Variants in TP53BP2 observed in about 807,000 individuals in gnomAD.
TP53BP2 encodes tumor protein p53 binding protein 2.
Under a neutral mutation model 126.2 loss-of-function variants are expected in TP53BP2, and 62 were observed. The ratio of observed to expected loss-of-function variants is 0.49; its 90% CI spans 0.40 to 0.61. The LOEUF (loss-of-function observed/expected upper bound fraction) is 0.61, where lower values mean the gene tolerates loss of function less well. TP53BP2 is among the 20% of genes least tolerant of loss of function. The pLI is 0.00. For missense variants in TP53BP2, 1,215 were observed against 1,402.8 expected, an observed-to-expected ratio of 0.87 and a Z score of 2.14; for synonymous variants, 485 against 502.9, an observed-to-expected ratio of 0.96 and a Z score of 0.48.
intron 16 of TP53BP2, 138 bp downstream of exon 16, chr1:223,788,870 G>C: frequency 1.3e-6 from 1 of 786,040 alleles, no homozygotes; most frequent in Non-Finnish European, 2.0e-6. Flanking sequence ...CTGTGACCAA[G>C]GCTGTTGTAT....
chr1:223,829,734 CAAA>C (rs541890457), intron 1 of TP53BP2, among the ~76,000 whole-genome samples: 1 of 101,496 alleles, frequency 9.9e-6, no homozygotes. Context: ...ATAATCAGGT[CAAA>C]AAAAAAAAAA....
intron 15 of TP53BP2, among the ~76,000 whole-genome samples, chr1:223,791,938 A>C (rs1662169390): frequency 6.6e-6 from 1 of 152,124 alleles, no homozygotes; most frequent in Non-Finnish European, 1.5e-5. Context: ...TTTTACGTAC[A>C]CCCTGGTTCC....
intron 10 of TP53BP2, among the ~76,000 whole-genome samples, chr1:223,800,309 G>A (rs541309163): frequency 3.3e-4 from 51 of 152,276 alleles, no homozygotes; most frequent in South Asian, 1.0e-3. Context: ...TTTATCAGGC[G>A]GGTGCAGTGG....
At chr1:223,810,668 T>TCATA (rs1662880967) in intron 3 of TP53BP2, among the ~76,000 whole-genome samples, 155 bp from the exon 4 acceptor site, 1 of 152,236 alleles carries the variant, frequency 6.6e-6, no homozygotes, top group South Asian at 2.1e-4. Context: ...ACTTAAGGTC[T>TCATA]CATAACTCAG....
intron 16 of TP53BP2, among the ~76,000 whole-genome samples, 156 bp from the exon 17 acceptor site, chr1:223,784,470 G>A (rs1661882378): frequency 6.6e-6 from 1 of 152,134 alleles, no homozygotes; most frequent in Non-Finnish European, 1.5e-5. Context: ...GAGGTGGGGG[G>A]TAGCATGCAG....
At chr1:223,820,120 C>G (rs900676601) in intron 2 of TP53BP2, among the ~76,000 whole-genome samples, 1 of 152,134 alleles carries the variant, frequency 6.6e-6, no homozygotes, top group Non-Finnish European at 1.5e-5. Flanking sequence ...CCAGAAGGAA[C>G]CAGCAATGAC....
chr1:223,836,719 A>G (rs1663935819), intron 1 of TP53BP2, among the ~76,000 whole-genome samples: 2 of 152,090 alleles, frequency 1.3e-5, no homozygotes, highest in African/African-American at 2.4e-5. Context: ...AGAGCATTAC[A>G]ACAGTCCAGG....
chr1:223,817,017 G>A (rs997190095), intron 2 of TP53BP2, among the ~76,000 whole-genome samples: 3 of 150,884 alleles, frequency 2.0e-5, no homozygotes, highest in Non-Finnish European at 4.4e-5. Context: ...AAAATTAGCT[G>A]GGTGTGGTGG....
chr1:223,825,832 C>A (rs1436126826), intron 1 of TP53BP2: 2 of 152,354 alleles, frequency 1.3e-5, no homozygotes, highest in East Asian at 3.9e-4. Flanking sequence ...AACCTGGCTC[C>A]TTCCCTCTCA....
intron 1 of TP53BP2, among the ~76,000 whole-genome samples, chr1:223,827,331 A>T (rs1663534789): frequency 6.6e-6 from 1 of 152,206 alleles, no homozygotes; most frequent in African/African-American, 2.4e-5. Context: ...AAAAGGAAGA[A>T]GTCCAGAAGA....
At position 223,780,622 on chromosome 1, in the gene TP53BP2, CT is replaced by C. The variant is rs1191171597; in HGVS notation, c.*230del. ...CTTATCTGAGTGCTACACGGGACAC[CT>C]TTGCCCCAACACAGTATGGCCTGCT... is the stretch of plus-strand genomic sequence containing the variant. On this transcript the variant is annotated 3_prime_UTR_variant, in exon 18 of 18. Coordinates refer to ENST00000343537, the MANE Select transcript of TP53BP2 (RefSeq NM_001031685.3). 9.3e-6 allele frequency: 5 copies of C among 536,054 alleles called. No homozygotes were observed. The Admixed American group carries it at 9.8e-5, about 11-fold the overall frequency. The allele number at this position is 536,054 out of a possible 1,614,324, so 33.2% of individuals were successfully genotyped here.
intron 3 of TP53BP2, among the ~76,000 whole-genome samples, chr1:223,812,478 G>C (rs1207305803): frequency 2.0e-5 from 3 of 152,208 alleles, no homozygotes; most frequent in Non-Finnish European, 4.4e-5. Context: ...CGCCTCCCGG[G>C]TTCAAGCGAT....
At chr1:223,799,297 C>T (rs923477671) in intron 11 of TP53BP2, among the ~76,000 whole-genome samples, 1 of 152,244 alleles carries the variant, frequency 6.6e-6, no homozygotes, top group East Asian at 1.9e-4. Flanking sequence ...TCTGTATTTA[C>T]TCACATTTAA....
intron 4 of TP53BP2, among the ~76,000 whole-genome samples, chr1:223,807,605 T>C (rs970059985): frequency 6.6e-6 from 1 of 150,766 alleles, no homozygotes; most frequent in African/African-American, 2.4e-5. Flanking sequence ...ATAGCAAGAC[T>C]GCAGGATTAA....
Position 223,832,306 on chromosome 1 carries a change from C to G in TP53BP2, c.28-10939G>C, listed in dbSNP as rs1036099395. ...TGAACAATCTATAAAAAGAGTGACA[C>G]AAATCCTCCCCAAATTTTGCAACTC... On this transcript the variant is annotated intron_variant, in intron 1 of 17. Transcript: ENST00000343537. 1.8e-4 allele frequency among the ~76,000 whole-genome samples: 27 copies of G among 152,170 alleles called. 1 individual carries two copies. Among genetic ancestry groups the G allele is most frequent in the Admixed American group, 1.7e-3 (26 of 15,274 alleles).
At chr1:223,813,125 C>T (rs1370049461) in intron 3 of TP53BP2, among the ~76,000 whole-genome samples, 1 of 152,186 alleles carries the variant, frequency 6.6e-6, no homozygotes, top group Non-Finnish European at 1.5e-5. Context: ...TCTCTCCACC[C>T]TCCCCCTACA....
intron 16 of TP53BP2, among the ~76,000 whole-genome samples, chr1:223,784,768 A>C (rs1303592830): frequency 6.6e-6 from 1 of 152,246 alleles, no homozygotes; most frequent in African/African-American, 2.4e-5. Flanking sequence ...ACAGAGAAAA[A>C]AAGATGGAGG....
rs777384920 is a variant in TP53BP2 at position 223,800,722 on chromosome 1, G to A, written c.1314C>T (p.Ser438=). 2.5e-6 allele frequency: 4 copies of A among 1,605,198 alleles called. No individual in the cohort carries two copies. In the South Asian group the frequency reaches 3.4e-5, roughly 14 times the overall value. Residue 438 remains serine, a synonymous_variant, in exon 10 of 18, where the codon AGC becomes AGT. Transcript: ENST00000343537. ...CACCTTGATCCAGAGCATTCCCAGT[G>A]CTTTGAGGTACAGAAGCAGAGCCTT... The part of the protein sequence containing the change: ...PSQGSASVPQ[S]TGNALDQVDD...
chr1:223,821,452 T>C (rs116664910), intron 1 of TP53BP2, 85 bp from the exon 2 acceptor site: 2 of 1,575,142 alleles, frequency 1.3e-6, no homozygotes, highest in African/African-American at 1.3e-5. Context: ...CCAAACAAAA[T>C]CTCAGTTGGA....
Sources: allele counts gnomAD v4.1 joint callset (sites outside exome capture counted in the v4.1 genomes callset), GRCh38; gene constraint gnomAD v4.1.1; transcripts MANE v1.5; gene names NCBI Gene and HGNC (gene_info 2026-07-23, HGNC 2026-07-21).